The following CBFA2T2 variants were observed in gnomAD, a reference collection of about 807,000 sequenced individuals.
CBFA2T2 encodes protein CBFA2T2.
In CBFA2T2, 11 loss-of-function variants were observed where a neutral mutation model predicts 62.2. The observed-to-expected ratio is 0.18, with a 90% CI of 0.11 to 0.29. The LOEUF (loss-of-function observed/expected upper bound fraction) is 0.29, where lower values mean the gene tolerates loss of function less well. Ranked by LOEUF, CBFA2T2 falls within the 10% of genes least tolerant of loss-of-function variation. CBFA2T2 has a pLI of 1.00. For missense variants in CBFA2T2, 592 were observed against 774.1 expected (o/e 0.76, Z 2.79); for synonymous variants, 295 against 287.5 (o/e 1.03, Z -0.27).
At chr20:33,610,149 G>A (rs376329026) in intron 2 of CBFA2T2, among the ~76,000 whole-genome samples, 2 of 152,136 alleles carry the variant, frequency 1.3e-5, no homozygotes, top group Non-Finnish European at 2.9e-5. Flanking sequence ...AATTAGCTGT[G>A]CATGGTGGCA....
intron 3 of CBFA2T2, among the ~76,000 whole-genome samples, chr20:33,617,156 G>A (rs1601073803): frequency 6.6e-6 from 1 of 152,030 alleles, no homozygotes; most frequent in East Asian, 1.9e-4. Flanking sequence ...GGATCACGAG[G>A]TCAGGAGTTC....
chr20:33,574,942 G>A (rs1014241278), intron 1 of CBFA2T2, among the ~76,000 whole-genome samples: 1 of 152,234 alleles, frequency 6.6e-6, no homozygotes, highest in African/African-American at 2.4e-5. Context: ...GGCTGATAAA[G>A]CGTTTTTGTG....
At chr20:33,500,498 T>C (rs908991408) in intron 1 of CBFA2T2, among the ~76,000 whole-genome samples, 8 of 151,692 alleles carry the variant, frequency 5.3e-5, no homozygotes, top group Non-Finnish European at 2.9e-5. Context: ...TCAGCTGAGG[T>C]TGGGAGCTCA....
At chr20:33,549,981 C>T (rs2012693062) in intron 1 of CBFA2T2, among the ~76,000 whole-genome samples, 1 of 151,380 alleles carries the variant, frequency 6.6e-6, no homozygotes, top group African/African-American at 2.4e-5. Flanking sequence ...AGACAGCATC[C>T]TTCTTTGTTT....
At chr20:33,594,495 C>G (rs1358093354) in intron 1 of CBFA2T2, among the ~76,000 whole-genome samples, 2 of 152,126 alleles carry the variant, frequency 1.3e-5, no homozygotes, top group African/African-American at 4.8e-5. Context: ...GCTGGGATTA[C>G]AGGTGTGAGC....
At chr20:33,609,416 T>A (rs1033570945) in intron 2 of CBFA2T2, among the ~76,000 whole-genome samples, 12 of 151,920 alleles carry the variant, frequency 7.9e-5, no homozygotes, top group African/African-American at 2.9e-4. Flanking sequence ...GAAGGAGAAT[T>A]CCTTGAACTC....
Position 33,640,834 on chromosome 20 carries a change from C to T in CBFA2T2, c.1488+303C>T, listed in dbSNP as rs561446749. Among the ~76,000 whole-genome samples the T allele has an allele frequency of 1.9e-4, 29 of 152,136 alleles. 1 individual carries two copies. Among genetic ancestry groups the T allele is most frequent in the African/African-American group, 6.5e-4 (27 of 41,498 alleles). Reference sequence around the variant, plus strand: ...TAAAGACAGAGTTTGTGTGATTGCACGATGATGATGATGACCAGCATTGAC... The same window carrying T: ...TAAAGACAGAGTTTGTGTGATTGCATGATGATGATGATGACCAGCATTGAC... On this transcript the variant is annotated intron_variant, in intron 10 of 10. Transcript: ENST00000342704.
intron 1 of CBFA2T2, among the ~76,000 whole-genome samples, chr20:33,554,531 G>A (rs2012833313): frequency 6.6e-6 from 1 of 150,630 alleles, no homozygotes; most frequent in Non-Finnish European, 1.5e-5. Context: ...TTACAGGGGT[G>A]AGCCACTGCG....
chr20:33,646,880 CAAAATT>C lies in CBFA2T2; in HGVS notation c.*2238_*2243del, dbSNP rs2017070802. The C allele has an allele frequency of 6.9e-6, 1 of 144,844 alleles. No individual in the cohort carries two copies. Among genetic ancestry groups the C allele is most frequent in the African/African-American group, 2.5e-5 (1 of 39,976 alleles). 9.0% of individuals were successfully genotyped at this position (144,844 alleles called of 1,614,324 possible). ...TGTCTCAAAAAAAAAAAAAAAAAGG[CAAAATT>C]AAAGAATTTCAAGTCCCTAATTTAC... On this transcript the variant is annotated 3_prime_UTR_variant, in exon 11 of 11. Coordinates refer to ENST00000342704, the MANE Select transcript of CBFA2T2 (RefSeq NM_001032999.3).
chr20:33,642,146 G>A (rs950525703), intron 10 of CBFA2T2, among the ~76,000 whole-genome samples: 12 of 150,232 alleles, frequency 8.0e-5, no homozygotes, highest in African/African-American at 2.9e-4. Flanking sequence ...GTGTGTGTGT[G>A]TGTGTGTGTG....
At chr20:33,549,905 A>G (rs1024701483) in intron 1 of CBFA2T2, among the ~76,000 whole-genome samples, 4 of 139,706 alleles carry the variant, frequency 2.9e-5, no homozygotes, top group Non-Finnish European at 6.0e-5. Flanking sequence ...GTCCTGAGAG[A>G]TTGGGACCAA....
chr20:33,516,240 C>T (rs960856031), intron 1 of CBFA2T2, among the ~76,000 whole-genome samples: 3 of 152,086 alleles, frequency 2.0e-5, no homozygotes, highest in East Asian at 1.9e-4. Context: ...GAGTCCGAGG[C>T]GGGCAGATCA....
intron 1 of CBFA2T2, among the ~76,000 whole-genome samples, chr20:33,576,331 G>C (rs2013825490): frequency 6.6e-6 from 1 of 152,162 alleles, no homozygotes; most frequent in African/African-American, 2.4e-5. Context: ...GAACTTAGGA[G>C]TTTGCTCTGA....
intron 1 of CBFA2T2, among the ~76,000 whole-genome samples, chr20:33,587,402 G>A (rs1328541159): frequency 1.3e-5 from 2 of 152,192 alleles, no homozygotes; most frequent in African/African-American, 4.8e-5. Flanking sequence ...GAGTAGCTGG[G>A]ACTACAGGCG....
chr20:33,510,446 C>T (rs1012532417), intron 1 of CBFA2T2, among the ~76,000 whole-genome samples: 6 of 151,600 alleles, frequency 4.0e-5, no homozygotes, highest in East Asian at 1.9e-4. Flanking sequence ...CTGCTGACCT[C>T]GTGATCCGCC....
intron 1 of CBFA2T2, among the ~76,000 whole-genome samples, chr20:33,560,612 T>G (rs912008223): frequency 6.6e-6 from 1 of 152,218 alleles, no homozygotes; most frequent in Non-Finnish European, 1.5e-5. Flanking sequence ...TAAGTTGCCC[T>G]TGACAGAAAT....
chr20:33,539,661 G>A (rs903200098), intron 1 of CBFA2T2, among the ~76,000 whole-genome samples: 6 of 151,176 alleles, frequency 4.0e-5, no homozygotes, highest in African/African-American at 1.2e-4. Context: ...GGGTGACAGC[G>A]AAGTAAGGTT....
At chr20:33,506,719 T>C (rs1474243710) in intron 1 of CBFA2T2, among the ~76,000 whole-genome samples, 1 of 152,154 alleles carries the variant, frequency 6.6e-6, no homozygotes, top group Non-Finnish European at 1.5e-5. Context: ...GAAACAAGGA[T>C]TCTGGTTCAA....
intron 1 of CBFA2T2, among the ~76,000 whole-genome samples, chr20:33,515,175 A>C (rs1227567970): frequency 6.6e-6 from 1 of 151,562 alleles, no homozygotes; most frequent in Non-Finnish European, 1.5e-5. Flanking sequence ...ACATGGTGAA[A>C]TCCTGTCTCT....
Sources: allele counts gnomAD v4.1 joint callset (sites outside exome capture counted in the v4.1 genomes callset), GRCh38; gene constraint gnomAD v4.1.1; transcripts MANE v1.5; gene names NCBI Gene and HGNC (gene_info 2026-07-23, HGNC 2026-07-21).